DEDD2: variants seen among roughly 807,000 people sequenced by gnomAD.
DEDD2 encodes DNA-binding death effector domain-containing protein 2.
In DEDD2, 18 loss-of-function variants were observed where a neutral mutation model predicts 28.9. That is an observed-to-expected ratio of 0.62 (90% CI 0.43 to 0.92). The LOEUF is 0.92. Ranked by LOEUF, DEDD2 falls within the 40% of genes least tolerant of loss-of-function variation. DEDD2 has a pLI of 0.00. For missense variants in DEDD2, 411 were observed against 463.3 expected (o/e 0.89, Z 1.04); for synonymous variants, 211 against 206.1 (o/e 1.02, Z -0.20).
intron 4 of DEDD2, among the ~76,000 whole-genome samples, chr19:42,208,304 T>C (rs1261365826): frequency 2.8e-5 from 4 of 142,310 alleles, no homozygotes; most frequent in African/African-American, 5.0e-5. Context: ...GTCAGCCCTA[T>C]GGCCAGTGCC....
intron 4 of DEDD2, among the ~76,000 whole-genome samples, chr19:42,202,458 G>A (rs763637264): frequency 3.9e-5 from 6 of 152,078 alleles, no homozygotes; most frequent in African/African-American, 7.2e-5. Flanking sequence ...CTCTCAGCTC[G>A]TCCTTCTCCC....
intron 3 of DEDD2, among the ~76,000 whole-genome samples, chr19:42,210,860 G>A (rs1014920687): frequency 2.6e-5 from 4 of 151,898 alleles, no homozygotes; most frequent in Admixed American, 6.5e-5. Context: ...CTTGAGATCA[G>A]GAGTTCGAGA....
intron 1 of DEDD2, 137 bp from the exon 2 acceptor site, chr19:42,217,182 C>A: frequency 4.5e-6 from 3 of 660,684 alleles, no homozygotes; most frequent in East Asian, 5.6e-5. Context: ...GCCTCCCCCT[C>A]CCCCGGGAGG....
chr19:42,217,289 C>G (rs1276731369), intron 1 of DEDD2, among the ~76,000 whole-genome samples: 2 of 152,136 alleles, frequency 1.3e-5, no homozygotes, highest in East Asian at 1.9e-4. Context: ...AGCTCGCCTC[C>G]GGACCTGACC....
Position 42,199,867 on chromosome 19 carries a change from A to C in DEDD2, c.590-38T>G. ...GAGGGATTTGTCAGGGAGGGGGCCA[A>C]CACTAGACACACTTATGGGGAACGC... is the stretch of plus-strand genomic sequence containing the variant. On this transcript the variant is annotated intron_variant, in intron 4 of 4. Transcript: ENST00000596251. The surrounding 1 kb of genome is among the most constrained non-coding windows in gnomAD (Gnocchi z 7.4). 6.5e-7 allele frequency: 1 copy of C among 1,539,434 alleles called. No homozygotes were observed. Among genetic ancestry groups the C allele is most frequent in the Non-Finnish European group, 8.8e-7 (1 of 1,140,816 alleles).
intron 4 of DEDD2, among the ~76,000 whole-genome samples, chr19:42,200,620 G>A (rs2035294314): frequency 6.6e-6 from 1 of 152,216 alleles, no homozygotes; most frequent in Non-Finnish European, 1.5e-5. Flanking sequence ...CTAAGATGAT[G>A]GGTTGGAAGC....
At chr19:42,211,054 T>C (rs371373139) in intron 3 of DEDD2, among the ~76,000 whole-genome samples, 1 of 135,580 alleles carries the variant, frequency 7.4e-6, no homozygotes, top group Non-Finnish European at 1.6e-5. Flanking sequence ...AGGGTGACAG[T>C]GTGAGACCCT....
intron 3 of DEDD2, among the ~76,000 whole-genome samples, chr19:42,211,715 T>C (rs927847129): frequency 5.9e-5 from 9 of 152,154 alleles, no homozygotes; most frequent in Admixed American, 3.9e-4. Flanking sequence ...ATCTTAATGT[T>C]ATTAAGAGGA....
chr19:42,214,663 T>A (rs2035893465), intron 3 of DEDD2, among the ~76,000 whole-genome samples: 1 of 151,996 alleles, frequency 6.6e-6, no homozygotes, highest in African/African-American at 2.4e-5. Flanking sequence ...CTTGAGAGGC[T>A]GAGGTGGAAG....
chr19:42,216,631 C>T (rs756701059), intron 2 of DEDD2, 49 bp downstream of exon 2: 77 of 1,491,420 alleles, frequency 5.2e-5, no homozygotes, highest in Middle Eastern at 1.7e-4. Flanking sequence ...CCAGCGGGAG[C>T]CAGGCCCTTT....
chr19:42,213,843 T>C (rs1052162573), intron 3 of DEDD2, among the ~76,000 whole-genome samples: 2 of 152,224 alleles, frequency 1.3e-5, no homozygotes, highest in Non-Finnish European at 2.9e-5. Flanking sequence ...AACTCAACTA[T>C]GAATAGATTC....
At chr19:42,208,767 C>T (rs556742525) in intron 4 of DEDD2, among the ~76,000 whole-genome samples, 45 of 152,334 alleles carry the variant, frequency 3.0e-4, no homozygotes, top group Admixed American at 1.4e-3. Context: ...CCACAAGAGC[C>T]GGGAACCTTG....
rs1195235915 is a variant in DEDD2, at chr19:42,215,018, C to T, written c.448+115G>A. On this transcript the variant is annotated intron_variant, in intron 3 of 4. Transcript: ENST00000596251. ...AGCAATAAACACACACACACACACA[C>T]ACACACACACACAGTGAAAATGAGA... 4 of 1,422,542 alleles carry T rather than the reference C, an allele frequency of 2.8e-6. No individual in the cohort carries two copies. The South Asian group carries it at 5.2e-5, about 19-fold the overall frequency. The allele number at this position is 1,422,542 out of a possible 1,614,324, so 88.1% of individuals were successfully genotyped here.
intron 3 of DEDD2, 85 bp downstream of exon 3, chr19:42,215,048 A>G: frequency 6.4e-7 from 1 of 1,561,174 alleles, no homozygotes; most frequent in East Asian, 2.3e-5. Flanking sequence ...ATGAGACAGA[A>G]TAACCCCTCA....
In DEDD2 at chr19:42,198,908, C is replaced by T. The variant is rs2035210652; in HGVS notation, c.*530G>A. ...ATGTGTGGGCAAGGTGAGCAGGCCC[C>T]ATGTGCACCCCAGCTCCAGTGCCCA... On this transcript the variant is annotated 3_prime_UTR_variant, in exon 5 of 5. Transcript: ENST00000596251. The T allele has an allele frequency of 1.3e-5, 2 of 154,092 alleles. No individual in the cohort carries two copies. Among genetic ancestry groups the T allele is most frequent in the East Asian group, 3.8e-4 (2 of 5,222 alleles). 9.5% of individuals were successfully genotyped at this position (154,092 alleles called of 1,614,324 possible). A position where few individuals can be genotyped will look rare whatever the true frequency, so the allele number is the denominator to read the frequency against.
intron 4 of DEDD2, among the ~76,000 whole-genome samples, chr19:42,202,891 T>A (rs972295886): frequency 6.6e-6 from 1 of 152,240 alleles, no homozygotes; most frequent in African/African-American, 2.4e-5. Context: ...TCTGAGCCTC[T>A]GCTCCACCCT....
At chr19:42,201,811 G>A (rs1424114882) in intron 4 of DEDD2, 2 of 391,868 alleles carry the variant, frequency 5.1e-6, no homozygotes, top group Non-Finnish European at 9.0e-6. Context: ...TTCAGACCCA[G>A]CTGTCTCTAC....
intron 2 of DEDD2, 109 bp downstream of exon 2, chr19:42,216,571 G>A (rs1363081884): frequency 1.8e-6 from 2 of 1,107,612 alleles, no homozygotes; most frequent in East Asian, 2.7e-5. Context: ...AGCAGAATGG[G>A]ACATAAGCTG....
At position 42,199,018 on chromosome 19, in the gene DEDD2, G is replaced by T; in HGVS notation, c.*420C>A. ...CTTAGGCCAAAGAAGTGTGTGCTGG[G>T]AAGCAGGCCAGGGCAGAGGCCCAGG... On this transcript the variant is annotated 3_prime_UTR_variant, in exon 5 of 5. Transcript: ENST00000596251. The surrounding 1 kb of genome is among the most constrained non-coding windows in gnomAD (Gnocchi z 7.4). 5.6e-6 allele frequency: 1 copy of T among 177,456 alleles called. No individual in the cohort carries two copies. 11.0% of individuals were successfully genotyped at this position (177,456 alleles called of 1,614,324 possible). A position where few individuals can be genotyped will look rare whatever the true frequency, so the allele number is the denominator to read the frequency against.
Sources: allele counts gnomAD v4.1 joint callset (sites outside exome capture counted in the v4.1 genomes callset), GRCh38; gene constraint gnomAD v4.1.1; non-coding constraint Gnocchi (gnomAD v3.1); transcripts MANE v1.5; gene names NCBI Gene and HGNC (gene_info 2026-07-23, HGNC 2026-07-21).